The following NEDD4 variants were observed in gnomAD, a reference collection of about 807,000 sequenced individuals.
NEDD4 encodes the protein NEDD4 E3 ubiquitin protein ligase, also known as E3 ubiquitin-protein ligase NEDD4.
A neutral mutation model predicts 144.9 loss-of-function variants in NEDD4; 99 were observed. The observed-to-expected ratio is 0.68, with a 90% CI of 0.58 to 0.81. The LOEUF (loss-of-function observed/expected upper bound fraction) is 0.81. NEDD4 is among the 30% of genes least tolerant of loss of function. NEDD4 has a pLI of 0.00. For missense variants in NEDD4, 985 were observed against 1,065.9 expected (o/e 0.92, Z 1.06); for synonymous variants, 318 against 350.6 (o/e 0.91, Z 1.04).
intron 18 of NEDD4, among the ~76,000 whole-genome samples, chr15:55,845,386 G>A (rs1342100134): frequency 6.6e-6 from 1 of 152,136 alleles, no homozygotes; most frequent in Non-Finnish European, 1.5e-5. Context: ...CTGTGCCTCA[G>A]TTTCCTCATC....
intron 5 of NEDD4, chr15:55,916,312 T>C: frequency 6.2e-7 from 1 of 1,614,052 alleles, no homozygotes; most frequent in Non-Finnish European, 8.5e-7. Context: ...CTTGTGATAC[T>C]TGCACATGAC....
chr15:55,980,427 AG>A (rs1270740865), intron 1 of NEDD4, among the ~76,000 whole-genome samples: 2 of 148,028 alleles, frequency 1.4e-5, no homozygotes, highest in Non-Finnish European at 3.0e-5. Context: ...GGGTGATCCA[AG>A]GGAAAAAAAA....
At chr15:55,983,938 T>C (rs1566978464) in intron 1 of NEDD4, among the ~76,000 whole-genome samples, 1 of 152,192 alleles carries the variant, frequency 6.6e-6, no homozygotes, top group Non-Finnish European at 1.5e-5. Context: ...TCTTACACTG[T>C]TTTCCTTAAT....
chr15:55,886,364 G>C (rs1385469491), intron 5 of NEDD4, among the ~76,000 whole-genome samples: 1 of 152,190 alleles, frequency 6.6e-6, no homozygotes, highest in African/African-American at 2.4e-5. Flanking sequence ...TAAATGTTTA[G>C]AGAACACTTC....
intron 1 of NEDD4, among the ~76,000 whole-genome samples, chr15:55,989,538 C>T (rs1420175961): frequency 1.3e-5 from 2 of 152,192 alleles, no homozygotes; most frequent in African/African-American, 4.8e-5. Flanking sequence ...AGAATATGCC[C>T]TTCTTACCCT....
intron 5 of NEDD4, chr15:55,916,024 G>C: frequency 6.2e-7 from 1 of 1,613,814 alleles, no homozygotes; most frequent in Non-Finnish European, 8.5e-7. Flanking sequence ...GGACTCCTAG[G>C]AAAAATGACT....
intron 4 of NEDD4, among the ~76,000 whole-genome samples, chr15:55,932,466 A>G (rs2036801753): frequency 6.6e-6 from 1 of 152,230 alleles, no homozygotes; most frequent in East Asian, 1.9e-4. Context: ...GGCTAGCCAT[A>G]GGTAGAAAGC....
chr15:55,988,486 T>TAAAAAAAA (rs1491422042), intron 1 of NEDD4, among the ~76,000 whole-genome samples: 1 of 32,884 alleles, frequency 3.0e-5, no homozygotes, highest in African/African-American at 9.8e-5. Context: ...AAAAAAAAAA[T>TAAAAAAAA]TAAAAAAAAA....
chr15:55,966,588 A>G, intron 1 of NEDD4, 42 bp from the exon 2 acceptor site: 2 of 1,120,548 alleles, frequency 1.8e-6, no homozygotes, highest in Non-Finnish European at 2.5e-6. Context: ...TGTACTTATA[A>G]GTTAACTAAG....
chr15:55,888,574 G>A (rs1358876420), intron 5 of NEDD4, among the ~76,000 whole-genome samples: 3 of 152,110 alleles, frequency 2.0e-5, no homozygotes, highest in Non-Finnish European at 4.4e-5. Flanking sequence ...AAATGCCAAT[G>A]ACATTTTTCA....
chr15:55,932,068 G>C (rs959485012), intron 4 of NEDD4, among the ~76,000 whole-genome samples: 11 of 152,102 alleles, frequency 7.2e-5, no homozygotes, highest in African/African-American at 2.4e-4. Context: ...ATCTCATCTT[G>C]AATTGTAGTT....
At chr15:55,967,129 C>A (rs1156601107) in intron 1 of NEDD4, among the ~76,000 whole-genome samples, 1 of 152,192 alleles carries the variant, frequency 6.6e-6, no homozygotes, top group Non-Finnish European at 1.5e-5. Context: ...AGGTGATCTG[C>A]CTGCCTCAGC....
intron 4 of NEDD4, among the ~76,000 whole-genome samples, chr15:55,939,803 T>C (rs2036963079): frequency 6.6e-6 from 1 of 152,078 alleles, no homozygotes; most frequent in Non-Finnish European, 1.5e-5. Flanking sequence ...GAAAACAGTA[T>C]AAAGGTTCCC....
chr15:55,872,130 C>T (rs894815857), intron 7 of NEDD4, among the ~76,000 whole-genome samples: 32 of 152,110 alleles, frequency 2.1e-4, no homozygotes, highest in African/African-American at 7.7e-4. Context: ...CATAGTATGA[C>T]AATATGACAT....
At chr15:55,880,782 G>C (rs1461524586) in intron 5 of NEDD4, among the ~76,000 whole-genome samples, 1 of 152,202 alleles carries the variant, frequency 6.6e-6, no homozygotes, top group Non-Finnish European at 1.5e-5. Flanking sequence ...ATGTTTCCTA[G>C]AAGAGTAGGG....
At position 55,840,666 on chromosome 15, in the gene NEDD4, A is replaced by G. The variant is rs1171362318; in HGVS notation, c.1900T>C (p.Tyr634His). The G allele has an allele frequency of 6.2e-7, 1 of 1,614,004 alleles. No individual in the cohort carries two copies. Among genetic ancestry groups the G allele is most frequent in the African/African-American group, 1.3e-5 (1 of 74,936 alleles). ...GCTACCCGACCAATAAACTTGAAGT[A>G]AGAGAGGTGATCTTCGTTACACAAT... ...SGLCNEDHLS[Y>H]FKFIGRVAGM... Residue 634 changes from tyrosine to histidine, a missense_variant, in exon 20 of 29, where the codon TAC (tyrosine) becomes CAC (histidine). By Grantham distance (83) the Tyr-to-His change is moderately conservative. Coordinates refer to ENST00000435532, the MANE Select transcript of NEDD4 (RefSeq NM_006154.4).
intron 12 of NEDD4, among the ~76,000 whole-genome samples, chr15:55,853,315 C>G (rs527593934): frequency 6.6e-6 from 1 of 152,070 alleles, no homozygotes; most frequent in Non-Finnish European, 1.5e-5. Flanking sequence ...ATAAAACATA[C>G]CAACAATAAC....
intron 9 of NEDD4, among the ~76,000 whole-genome samples, chr15:55,861,797 TTAA>T (rs1300195353): frequency 1.3e-5 from 2 of 152,198 alleles, no homozygotes; most frequent in Non-Finnish European, 2.9e-5. Flanking sequence ...GTTCAAATAT[TTAA>T]TAATAAAATT....
intron 28 of NEDD4, 60 bp downstream of exon 28, chr15:55,830,454 C>G: frequency 1.4e-6 from 2 of 1,450,304 alleles, no homozygotes; most frequent in Non-Finnish European, 1.9e-6. Context: ...TGTGGCTAGA[C>G]TAACAGAGGA....
Sources: gnomAD v4.1 joint callset for allele counts (sites outside exome capture counted in the v4.1 genomes callset) on GRCh38, gnomAD v4.1.1 for gene constraint, MANE v1.5 for transcripts, NCBI Gene and HGNC (gene_info 2026-07-23, HGNC 2026-07-21) for gene names.